SHLD1: variants seen among roughly 807,000 people sequenced by gnomAD.
The protein encoded by SHLD1 is RINN1-REV7-interacting novel NHEJ regulator 3.
SHLD1 carries 3 observed loss-of-function variants against 5.5 expected under a neutral mutation model. The observed-to-expected ratio is 0.54, with a 90% CI of 0.25 to 1.40. The LOEUF (loss-of-function observed/expected upper bound fraction) is 1.40. Ranked by LOEUF, SHLD1 falls within the 40% of genes most tolerant of loss-of-function variation. The probability of loss-of-function intolerance (pLI) is 0.15; values close to 1 mark genes in which losing one functional copy is unlikely to be tolerated. For missense variants in SHLD1, 210 were observed against 244.4 expected, an observed-to-expected ratio of 0.86 and a Z score of 0.94; for synonymous variants, 92 against 94.3, an observed-to-expected ratio of 0.98 and a Z score of 0.14.
At chr20:5,778,102 G>C (rs1386056029) in intron 2 of SHLD1, among the ~76,000 whole-genome samples, 1 of 148,720 alleles carries the variant, frequency 6.7e-6, no homozygotes, top group Non-Finnish European at 1.5e-5. Flanking sequence ...TGAGGCAGGA[G>C]GATCCCTTTT....
chr20:5,833,877 T>A (rs1160761967), intron 2 of SHLD1, among the ~76,000 whole-genome samples: 1 of 152,190 alleles, frequency 6.6e-6, no homozygotes, highest in South Asian at 2.1e-4. Context: ...TTCACATCTT[T>A]GTCATTTCCA....
intron 2 of SHLD1, among the ~76,000 whole-genome samples, chr20:5,844,175 G>A (rs2087899251): frequency 6.6e-6 from 1 of 152,174 alleles, no homozygotes; most frequent in South Asian, 2.1e-4. Context: ...TTTCCTTCTT[G>A]TCTTGCCCGT....
At chr20:5,787,502 A>G (rs1408166124) in intron 2 of SHLD1, among the ~76,000 whole-genome samples, 1 of 152,208 alleles carries the variant, frequency 6.6e-6, no homozygotes, top group Non-Finnish European at 1.5e-5. Context: ...TTATTAGAAC[A>G]TAACTTTTAA....
intron 2 of SHLD1, among the ~76,000 whole-genome samples, chr20:5,841,005 A>G (rs1180941940): frequency 6.6e-6 from 1 of 152,038 alleles, no homozygotes; most frequent in Non-Finnish European, 1.5e-5. Flanking sequence ...TTCTTTGTTC[A>G]TTCATTCATT....
chr20:5,852,502 A>G (rs538489589), intron 2 of SHLD1, among the ~76,000 whole-genome samples: 75 of 150,350 alleles, frequency 5.0e-4, no homozygotes, highest in African/African-American at 1.7e-3. Context: ...CCTGTCACCC[A>G]GGCTGAAGTG....
intron 2 of SHLD1, among the ~76,000 whole-genome samples, chr20:5,800,324 A>G (rs2087274273): frequency 6.6e-6 from 1 of 152,216 alleles, no homozygotes; most frequent in South Asian, 2.1e-4. Flanking sequence ...AAACTTTTCT[A>G]TCTGTATATT....
intron 2 of SHLD1, among the ~76,000 whole-genome samples, chr20:5,801,745 T>C (rs2087297230): frequency 6.6e-6 from 1 of 152,042 alleles, no homozygotes; most frequent in Non-Finnish European, 1.5e-5. Flanking sequence ...ACAGAGTAAT[T>C]TATTAGAGTA....
Position 5,792,551 on chromosome 20 carries a change from C to T in SHLD1, c.178+19508C>T, listed in dbSNP as rs1254983296. ...TCTCATGCCTCAGTCCCCCAAATAG[C>T]TGGGATTACACGTGTGTGCCACCAC... On this transcript the variant is annotated intron_variant, in intron 2 of 2. Coordinates refer to ENST00000303142, the MANE Select transcript of SHLD1 (RefSeq NM_152504.4). 3.9e-5 allele frequency among the ~76,000 whole-genome samples: 6 copies of T among 152,094 alleles called. No individual in the cohort carries two copies. In the South Asian group the frequency reaches 6.2e-4, roughly 16 times the overall value.
Position 5,855,790 on chromosome 20 carries a change from A to G in SHLD1, c.179-7234A>G, listed in dbSNP as rs536710743. ...AGTGTGCCCAGGAAATGTATGGTAA[A>G]CTGAATTATTGTTCACCAATATTCT... On this transcript the variant is annotated intron_variant, in intron 2 of 2. Transcript: ENST00000303142. The surrounding 1 kb of genome is among the most constrained non-coding windows in gnomAD (Gnocchi z 4.4). 6.6e-4 allele frequency among the ~76,000 whole-genome samples: 101 copies of G among 152,326 alleles called. No individual in the cohort carries two copies. The South Asian group carries it at 0.012, about 19-fold the overall frequency.
At chr20:5,763,820 G>A (rs971368126) in intron 1 of SHLD1, among the ~76,000 whole-genome samples, 6 of 151,554 alleles carry the variant, frequency 4.0e-5, no homozygotes, top group African/African-American at 1.5e-4. Context: ...TTATAGACAA[G>A]GAAACTGGCC....
Position 5,841,061 on chromosome 20 carries a change from A to C in SHLD1, c.179-21963A>C, listed in dbSNP as rs1409925315. 3.3e-5 allele frequency among the ~76,000 whole-genome samples: 5 copies of C among 152,172 alleles called. No individual in the cohort carries two copies. In the East Asian group the frequency reaches 9.6e-4, roughly 29 times the overall value. On this transcript the variant is annotated intron_variant, in intron 2 of 2. Transcript: ENST00000303142. ...CAAATATTTAGTGAATGTCTTGTCA[A>C]GGCATGTTTCAGTAGCCTTAGGATA... is the stretch of plus-strand genomic sequence containing the variant.
Position 5,816,064 on chromosome 20 carries a change from G to A in SHLD1, c.178+43021G>A, listed in dbSNP as rs146972057. ...CCACTGCACTCCAGTCTGGGTGACA[G>A]AGTGAGACTCTGCCTCAAAAAAACG... On this transcript the variant is annotated intron_variant, in intron 2 of 2. Coordinates refer to ENST00000303142, the MANE Select transcript of SHLD1 (RefSeq NM_152504.4). 5.8e-3 allele frequency among the ~76,000 whole-genome samples: 727 copies of A among 126,296 alleles called. 31 individuals are homozygous for A. In the East Asian group the frequency reaches 0.12, roughly 20 times the overall value. 82.9% of individuals were successfully genotyped at this position (126,296 alleles called of 152,430 possible).
intron 1 of SHLD1, among the ~76,000 whole-genome samples, chr20:5,767,642 T>A (rs1320424568): frequency 6.6e-6 from 1 of 152,240 alleles, no homozygotes; most frequent in East Asian, 1.9e-4. Context: ...GCTACCCAGC[T>A]GTCAAATCTG....
intron 2 of SHLD1, among the ~76,000 whole-genome samples, chr20:5,778,202 C>T (rs1389452612): frequency 1.6e-4 from 24 of 148,826 alleles, no homozygotes; most frequent in Non-Finnish European, 2.8e-4. Flanking sequence ...CTGCAAGCTC[C>T]GCCTCCTGGG....
chr20:5,798,711 A>G (rs1600133542), intron 2 of SHLD1, among the ~76,000 whole-genome samples: 4 of 146,176 alleles, frequency 2.7e-5, no homozygotes, highest in East Asian at 2.1e-4. Flanking sequence ...TCCGCCTCCC[A>G]GGTTCACGCC....
chr20:5,783,606 T>A (rs1028459778), intron 2 of SHLD1, among the ~76,000 whole-genome samples: 1 of 152,210 alleles, frequency 6.6e-6, no homozygotes, highest in Non-Finnish European at 1.5e-5. Context: ...TGCATGCTGC[T>A]GTTAGAAGGC....
At chr20:5,773,629 A>G (rs1985292392) in intron 2 of SHLD1, among the ~76,000 whole-genome samples, 1 of 152,090 alleles carries the variant, frequency 6.6e-6, no homozygotes, top group Non-Finnish European at 1.5e-5. Flanking sequence ...AGGCCCGCAG[A>G]CCTGGATTTA....
chr20:5,795,022 T>C (rs1470944710), intron 2 of SHLD1, among the ~76,000 whole-genome samples: 2 of 152,142 alleles, frequency 1.3e-5, no homozygotes, highest in East Asian at 3.9e-4. Context: ...GCAGATCATC[T>C]GAGGTCAGGA....
chr20:5,855,308 C>G lies in SHLD1; in HGVS notation c.179-7716C>G, dbSNP rs116652317. 3.8e-3 allele frequency among the ~76,000 whole-genome samples: 584 copies of G among 152,288 alleles called. 6 individuals carry two copies. The highest frequency in any genetic ancestry group is 0.014 in the African/African-American group (564 of 41,550). On this transcript the variant is annotated intron_variant, in intron 2 of 2. Coordinates refer to ENST00000303142, the MANE Select transcript of SHLD1 (RefSeq NM_152504.4). This position sits in a 1 kb window ranked among gnomAD's most constrained non-coding sequence, Gnocchi z 4.4. ...TTCGTTCATGTTGTAGCGTGTGTCACAGTGTCCTTTCTTTTTAAGGCTGAA... is the reference window on the plus strand; with the variant it reads ...TTCGTTCATGTTGTAGCGTGTGTCAGAGTGTCCTTTCTTTTTAAGGCTGAA...
Sources: allele counts gnomAD v4.1 joint callset (sites outside exome capture counted in the v4.1 genomes callset), GRCh38; gene constraint gnomAD v4.1.1; non-coding constraint Gnocchi (gnomAD v3.1); transcripts MANE v1.5; gene names NCBI Gene and HGNC (gene_info 2026-07-23, HGNC 2026-07-21).